The following PCDHGB4 variants were observed in gnomAD, a reference collection of about 807,000 sequenced individuals.
PCDHGB4 encodes the protein protocadherin gamma-B4.
PCDHGB4 carries 38 observed loss-of-function variants against 60.5 expected under a neutral mutation model. The observed-to-expected ratio is 0.63, with a 90% CI of 0.48 to 0.82. The LOEUF is 0.82. Among genes scored for constraint, PCDHGB4 ranks in the 40% least tolerant of loss-of-function variants. The probability of loss-of-function intolerance (pLI) is 0.00; values close to 1 mark genes in which losing one functional copy is unlikely to be tolerated. For missense variants in PCDHGB4, 1,109 were observed against 1,209.6 expected, an observed-to-expected ratio of 0.92 and a Z score of 1.23; for synonymous variants, 456 against 509.7, an observed-to-expected ratio of 0.89 and a Z score of 1.42.
rs561569572 is a variant in PCDHGB4, at chr5:141,512,054, C to A, written c.*881C>A. 6.5e-6 allele frequency: 1 copy of A among 152,828 alleles called. No individual in the cohort carries two copies. The highest frequency in any genetic ancestry group is 1.9e-4 in the East Asian group (1 of 5,184). The allele number at this position is 152,828 out of a possible 1,614,324, so 9.5% of individuals were successfully genotyped here. On this transcript the variant is annotated 3_prime_UTR_variant, in exon 4 of 4. Coordinates refer to ENST00000519479, the MANE Select transcript of PCDHGB4 (RefSeq NM_003736.4). Reference sequence around the variant, plus strand: ...GGAGGCTCTGTATGTCCTCAGGGGACTGACAACATCCTCCAGATTCCAGCC... The same window carrying A: ...GGAGGCTCTGTATGTCCTCAGGGGAATGACAACATCCTCCAGATTCCAGCC...
At chr5:141,482,888 A>G (rs1012212528) in intron 1 of PCDHGB4, among the ~76,000 whole-genome samples, 3 of 152,208 alleles carry the variant, frequency 2.0e-5, no homozygotes, top group African/African-American at 7.2e-5. Context: ...CCTGGCCAAC[A>G]TGGTGAAACC....
At chr5:141,479,975 C>A (rs1459297521) in intron 1 of PCDHGB4, among the ~76,000 whole-genome samples, 1 of 152,186 alleles carries the variant, frequency 6.6e-6, no homozygotes, top group East Asian at 1.9e-4. Context: ...TGAGGTTCTA[C>A]CATTTACCAA....
In PCDHGB4 at chr5:141,399,258, G is replaced by T; in HGVS notation, c.2397+8977G>T. On this transcript the variant is annotated intron_variant, in intron 1 of 3. Coordinates refer to ENST00000519479, the MANE Select transcript of PCDHGB4 (RefSeq NM_003736.4). ...ACCAAGATTCTGGGGAAAATGGGGA[G>T]GTTAATTGTCAATTACAAGGCGAAG... 4 of 1,613,870 alleles carry T rather than the reference G, an allele frequency of 2.5e-6. No homozygotes were observed. Among genetic ancestry groups the T allele is most frequent in the East Asian group, 2.2e-5 (1 of 44,878 alleles).
rs2099747616 is a variant in PCDHGB4 at position 141,493,318 on chromosome 5, TA to T, written c.2398-1487del. 6.6e-6 allele frequency among the ~76,000 whole-genome samples: 1 copy of T among 152,234 alleles called. No homozygotes were observed. Among genetic ancestry groups the T allele is most frequent in the South Asian group, 2.1e-4 (1 of 4,828 alleles). On this transcript the variant is annotated intron_variant, in intron 1 of 3. Coordinates refer to ENST00000519479, the MANE Select transcript of PCDHGB4 (RefSeq NM_003736.4). This position sits in a 1 kb window ranked among gnomAD's most constrained non-coding sequence, Gnocchi z 4.3. ...TTCACAGAGCAAGTAAGAGAGATTC[TA>T]ACCCCTGTCTAACTCCAGAATGTGT...
Position 141,493,876 on chromosome 5 carries a change from G to T in PCDHGB4, c.2398-931G>T, listed in dbSNP as rs2099750541. 6.6e-6 allele frequency among the ~76,000 whole-genome samples: 1 copy of T among 152,194 alleles called. No homozygotes were observed. ...CAGCCCACCCCAGAACCAGTGAGGA[G>T]GTGGCTCTAGGAGTGCTCCATGAGA... On this transcript the variant is annotated intron_variant, in intron 1 of 3. Transcript: ENST00000519479. The surrounding 1 kb of genome is among the most constrained non-coding windows in gnomAD (Gnocchi z 4.3).
In PCDHGB4 at chr5:141,388,978, C is replaced by T; in HGVS notation, c.1094C>T (p.Ala365Val). The change falls in exon 1 of 4, where the codon GCT (alanine) becomes GTT (valine). Residue 365 changes from alanine (A) to valine (V), a missense_variant. This residue lies in a region of PCDHGB4 where 1,068 missense variants were observed against 1,089.9 expected (regional missense o/e 0.98). Coordinates refer to ENST00000519479, the MANE Select transcript of PCDHGB4 (RefSeq NM_003736.4). ...MEDAELGTHI[A>V]LLKVRDKDSR... ...GACGCCGAGCTGGGAACACATATTG[C>T]TTTGCTCAAAGTCCGTGACAAGGAT... The T allele has an allele frequency of 6.2e-7, 1 of 1,613,972 alleles. No homozygotes were observed. Among genetic ancestry groups the T allele is most frequent in the Non-Finnish European group, 8.5e-7 (1 of 1,179,882 alleles).
chr5:141,450,893 C>T (rs1306212499), intron 1 of PCDHGB4, among the ~76,000 whole-genome samples: 3 of 149,144 alleles, frequency 2.0e-5, no homozygotes, highest in East Asian at 2.0e-4. Flanking sequence ...GGTGCGATAT[C>T]GGCTCACTGC....
At chr5:141,430,873 G>T in intron 1 of PCDHGB4, 5 of 1,598,960 alleles carry the variant, frequency 3.1e-6, no homozygotes, top group Non-Finnish European at 4.3e-6. Flanking sequence ...TTCCGGAAGA[G>T]CTGGAGAAAG....
At chr5:141,479,505 G>A (rs2099498324) in intron 1 of PCDHGB4, 1 of 152,262 alleles carries the variant, frequency 6.6e-6, no homozygotes, top group African/African-American at 2.4e-5. Flanking sequence ...CCTAAAGAGG[G>A]GTGAACTGGC....
intron 1 of PCDHGB4, chr5:141,410,843 C>CTT: frequency 4.6e-6 from 1 of 216,280 alleles, no homozygotes; most frequent in South Asian, 8.0e-5. Flanking sequence ...GATATTTTGT[C>CTT]TTTGTCTTTT....
Position 141,491,509 on chromosome 5 carries a change from C to T in PCDHGB4, c.2398-3298C>T. 6.2e-7 allele frequency: 1 copy of T among 1,614,058 alleles called. No individual in the cohort carries two copies. Among genetic ancestry groups the T allele is most frequent in the Non-Finnish European group, 8.5e-7 (1 of 1,180,022 alleles). On this transcript the variant is annotated intron_variant, in intron 1 of 3. Coordinates refer to ENST00000519479, the MANE Select transcript of PCDHGB4 (RefSeq NM_003736.4). The surrounding 1 kb of genome is among the most constrained non-coding windows in gnomAD (Gnocchi z 6.9). Reference sequence around the variant, plus strand: ...CCTGCAGGTGAGCTCGGACGGCACGCTCAAGTACATGGAGGTGACGCTGCG... The same window carrying T: ...CCTGCAGGTGAGCTCGGACGGCACGTTCAAGTACATGGAGGTGACGCTGCG...
At chr5:141,392,775 A>G in intron 1 of PCDHGB4, 1 of 1,524,280 alleles carries the variant, frequency 6.6e-7, no homozygotes, top group Non-Finnish European at 8.8e-7. Context: ...CCATTTATGC[A>G]CAGTGAAGAT....
Position 141,405,636 on chromosome 5 carries a change from G to A in PCDHGB4, c.2397+15355G>A, listed in dbSNP as rs546836247. 7 of 528,588 alleles carry A rather than the reference G, an allele frequency of 1.3e-5. 1 individual carries two copies. The highest frequency in any genetic ancestry group is 8.1e-5 in the South Asian group (3 of 37,242). The allele number at this position is 528,588 out of a possible 1,614,324, so 32.7% of individuals were successfully genotyped here. A position where few individuals can be genotyped will look rare whatever the true frequency, so the allele number is the denominator to read the frequency against. On this transcript the variant is annotated intron_variant, in intron 1 of 3. Coordinates refer to ENST00000519479, the MANE Select transcript of PCDHGB4 (RefSeq NM_003736.4). ...ACTACAGGCACGTGCCACCACGCCC[G>A]GCTAATTTTTTGTGTGTTTTTAGTA...
At chr5:141,400,608 A>G in intron 1 of PCDHGB4, 1 of 1,580,872 alleles carries the variant, frequency 6.3e-7, no homozygotes, top group Admixed American at 1.7e-5. Flanking sequence ...TTTCAAGTCC[A>G]ATGAGTTGTC....
chr5:141,421,446 A>G, intron 1 of PCDHGB4: 1 of 1,614,106 alleles, frequency 6.2e-7, no homozygotes, highest in Non-Finnish European at 8.5e-7. Flanking sequence ...GAGGGAAGAC[A>G]CAGCTTTTCG....
intron 1 of PCDHGB4, among the ~76,000 whole-genome samples, chr5:141,467,475 T>C (rs2099144764): frequency 6.6e-6 from 1 of 152,248 alleles, no homozygotes; most frequent in Non-Finnish European, 1.5e-5. Flanking sequence ...GCATGGTTTT[T>C]GGTTTCCACA....
chr5:141,421,512 G>T, intron 1 of PCDHGB4: 2 of 1,614,094 alleles, frequency 1.2e-6, no homozygotes, highest in Non-Finnish European at 1.7e-6. Context: ...ACCGGGAGGA[G>T]CTCTGTGAGA....
intron 1 of PCDHGB4, among the ~76,000 whole-genome samples, chr5:141,443,690 A>C (rs2098399415): frequency 6.6e-6 from 1 of 152,224 alleles, no homozygotes; most frequent in Non-Finnish European, 1.5e-5. Flanking sequence ...AACACTTCAA[A>C]AATTATAGAA....
At position 141,390,040 on chromosome 5, in the gene PCDHGB4, C is replaced by T. The variant is rs2092027580; in HGVS notation, c.2156C>T (p.Pro719Leu). Reference sequence around the variant, plus strand: ...TTGCGCCTGCGACGCTCCTCCAGCCCCGCCTCCTGGAGCTGCTTCCAGCCT... The same window carrying T: ...TTGCGCCTGCGACGCTCCTCCAGCCTCGCCTCCTGGAGCTGCTTCCAGCCT... ...IALRLRRSSS[P>L]ASWSCFQPGL... is the part of the protein sequence containing the mutation. The change falls in exon 1 of 4, where the codon CCC becomes CTC. Residue 719 changes from proline to leucine, a missense_variant. By Grantham distance (98) the Pro-to-Leu change is moderately conservative. Around this residue, in one of 2 missense-constraint regions of PCDHGB4, gnomAD observed 1,068 missense variants for 1,089.9 expected, o/e 0.98. Transcript: ENST00000519479. 6.2e-7 allele frequency: 1 copy of T among 1,614,072 alleles called. No individual in the cohort carries two copies. Among genetic ancestry groups the T allele is most frequent in the Non-Finnish European group, 8.5e-7 (1 of 1,179,910 alleles).
Sources: allele counts gnomAD v4.1 joint callset (sites outside exome capture counted in the v4.1 genomes callset), GRCh38; gene constraint gnomAD v4.1.1; regional missense constraint gnomAD v4.1.1; non-coding constraint Gnocchi (gnomAD v3.1); transcripts MANE v1.5; gene names NCBI Gene and HGNC (gene_info 2026-07-23, HGNC 2026-07-21).